Variants in NEGR1 observed in about 807,000 individuals in gnomAD.
NEGR1 encodes neuronal growth regulator 1.
NEGR1 carries 10 observed loss-of-function variants against 40.9 expected under a neutral mutation model. The ratio of observed to expected loss-of-function variants is 0.24; its 90% CI spans 0.15 to 0.42. The LOEUF is 0.42. Among genes scored for constraint, NEGR1 ranks in the 10% least tolerant of loss-of-function variants. The pLI, the probability that NEGR1 is intolerant of heterozygous loss-of-function variation, is 1.00. For synonymous variants in NEGR1, 185 were observed against 166.8 expected, an observed-to-expected ratio of 1.11 and a Z score of -0.84; for missense variants, 352 against 438.9, an observed-to-expected ratio of 0.80 and a Z score of 1.77.
intron 1 of NEGR1, among the ~76,000 whole-genome samples, chr1:72,155,679 C>A (rs557919254): frequency 6.6e-6 from 1 of 152,086 alleles, no homozygotes; most frequent in South Asian, 2.1e-4. Flanking sequence ...CTTTCAAGAT[C>A]TTTACAGGCA....
intron 1 of NEGR1, among the ~76,000 whole-genome samples, chr1:72,028,015 A>G (rs192199778): frequency 6.6e-6 from 1 of 152,300 alleles, no homozygotes; most frequent in African/African-American, 2.4e-5. Context: ...CGCAGATTCA[A>G]CATTTTAGCA....
At chr1:71,514,086 C>G (rs562145280) in intron 6 of NEGR1, among the ~76,000 whole-genome samples, 4 of 143,266 alleles carry the variant, frequency 2.8e-5, no homozygotes, top group African/African-American at 1.0e-4. Context: ...CCCACGGAAT[C>G]GCGCTGATTG....
intron 2 of NEGR1, among the ~76,000 whole-genome samples, chr1:71,875,354 T>C (rs1660395611): frequency 6.6e-6 from 1 of 152,184 alleles, no homozygotes; most frequent in Admixed American, 6.5e-5. Flanking sequence ...TTAATACAAA[T>C]GTCTTAAACT....
chr1:72,247,229 T>C (rs924693233), intron 1 of NEGR1, among the ~76,000 whole-genome samples: 1 of 152,260 alleles, frequency 6.6e-6, no homozygotes, highest in Non-Finnish European at 1.5e-5. Flanking sequence ...TGTGAATATC[T>C]CTGAAGGTGG....
intron 6 of NEGR1, among the ~76,000 whole-genome samples, chr1:71,583,950 T>C (rs929674751): frequency 6.6e-6 from 1 of 152,214 alleles, no homozygotes; most frequent in Non-Finnish European, 1.5e-5. Flanking sequence ...GCTAGGAAAC[T>C]GAAGTTGCTT....
chr1:72,250,817 C>T (rs1462389685), intron 1 of NEGR1, among the ~76,000 whole-genome samples: 1 of 152,056 alleles, frequency 6.6e-6, no homozygotes, highest in East Asian at 1.9e-4. Flanking sequence ...TGTGATTTTC[C>T]CTGCCAGCAG....
At chr1:72,042,718 G>A (rs1488614449) in intron 1 of NEGR1, among the ~76,000 whole-genome samples, 2 of 151,892 alleles carry the variant, frequency 1.3e-5, no homozygotes, top group African/African-American at 4.8e-5. Context: ...CAAAGCTAGG[G>A]GAATGTAATT....
intron 6 of NEGR1, among the ~76,000 whole-genome samples, chr1:71,575,255 C>A (rs562937773): frequency 6.6e-6 from 1 of 152,274 alleles, no homozygotes; most frequent in East Asian, 1.9e-4. Flanking sequence ...TGCCTCCAAC[C>A]AAAGCAGTAG....
At chr1:71,880,636 T>G (rs1660558346) in intron 2 of NEGR1, among the ~76,000 whole-genome samples, 1 of 152,038 alleles carries the variant, frequency 6.6e-6, no homozygotes, top group Non-Finnish European at 1.5e-5. Flanking sequence ...CTTTTCAAAG[T>G]ACTCTTTTAC....
intron 1 of NEGR1, among the ~76,000 whole-genome samples, chr1:72,030,710 A>T (rs1646850578): frequency 6.6e-6 from 1 of 152,202 alleles, no homozygotes; most frequent in African/African-American, 2.4e-5. Flanking sequence ...TTACATGAGA[A>T]CATTAGATAA....
intron 5 of NEGR1, among the ~76,000 whole-genome samples, chr1:71,603,940 G>T (rs538889671): frequency 1.3e-5 from 2 of 152,220 alleles, no homozygotes; most frequent in Admixed American, 6.5e-5. Flanking sequence ...TTACCTCACT[G>T]TTGATGAGTG....
At chr1:72,047,263 T>A (rs1647011224) in intron 1 of NEGR1, among the ~76,000 whole-genome samples, 1 of 151,280 alleles carries the variant, frequency 6.6e-6, no homozygotes, top group African/African-American at 2.4e-5. Context: ...CAAAGTTAAA[T>A]CCCTAGAAAA....
intron 1 of NEGR1, among the ~76,000 whole-genome samples, chr1:72,230,902 A>G (rs1654342381): frequency 6.6e-6 from 1 of 152,262 alleles, no homozygotes; most frequent in African/African-American, 2.4e-5. Flanking sequence ...TCATTCACAA[A>G]TATATATTAC....
chr1:71,955,305 A>G (rs1036848855), intron 1 of NEGR1, among the ~76,000 whole-genome samples: 2 of 152,178 alleles, frequency 1.3e-5, no homozygotes, highest in African/African-American at 2.4e-5. Flanking sequence ...AGTCCTGAAT[A>G]GAACAGGAAG....
intron 1 of NEGR1, among the ~76,000 whole-genome samples, chr1:72,114,498 T>A (rs72682706): frequency 6.6e-6 from 1 of 150,650 alleles, no homozygotes; most frequent in Admixed American, 6.6e-5. Flanking sequence ...GATAGATAGA[T>A]AATAGATCTA....
intron 1 of NEGR1, among the ~76,000 whole-genome samples, chr1:72,232,228 G>A (rs1191119448): frequency 6.6e-5 from 10 of 151,894 alleles, no homozygotes; most frequent in South Asian, 6.2e-4. Context: ...GTGGTGGTGC[G>A]TGCCTGTAAT....
intron 4 of NEGR1, among the ~76,000 whole-genome samples, chr1:71,670,817 A>G (rs1038694014): frequency 6.6e-6 from 1 of 152,088 alleles, no homozygotes; most frequent in African/African-American, 2.4e-5. Context: ...TCAAATCAGT[A>G]TTCTCAGGCT....
At chr1:72,154,835 G>C (rs1387618243) in intron 1 of NEGR1, among the ~76,000 whole-genome samples, 4 of 151,880 alleles carry the variant, frequency 2.6e-5, no homozygotes, top group African/African-American at 9.7e-5. Context: ...TTATCCTTCA[G>C]GATGAAGGTC....
chr1:72,031,903 A>G (rs1646861994), intron 1 of NEGR1, among the ~76,000 whole-genome samples: 2 of 152,194 alleles, frequency 1.3e-5, no homozygotes, highest in Admixed American at 1.3e-4. Context: ...TATTTGTGGA[A>G]TATCCAAGAT....
Sources: gnomAD v4.1 joint callset for allele counts (sites outside exome capture counted in the v4.1 genomes callset) on GRCh38, gnomAD v4.1.1 for gene constraint, MANE v1.5 for transcripts, NCBI Gene and HGNC (gene_info 2026-07-23, HGNC 2026-07-21) for gene names.